Variants in NEMP2 observed in about 807,000 individuals in gnomAD.
NEMP2 encodes the protein UPF0571 transmembrane protein.
In NEMP2, 53 loss-of-function variants were observed where a neutral mutation model predicts 54.2. That is an observed-to-expected ratio of 0.98 (90% confidence interval 0.78 to 1.23). The LOEUF (loss-of-function observed/expected upper bound fraction) is 1.23. NEMP2 is among the 50% of genes most tolerant of loss of function. NEMP2 has a pLI of 0.00. For missense variants in NEMP2, 455 were observed against 511.3 expected, an observed-to-expected ratio of 0.89 and a Z score of 1.06; for synonymous variants, 197 against 190.3, an observed-to-expected ratio of 1.04 and a Z score of -0.29.
chr2:190,549,358 C>T, the NEMP2 span, among the ~76,000 whole-genome samples: 1 of 152,124 alleles, frequency 6.6e-6, no homozygotes, highest in African/African-American at 2.4e-5. Context: ...ACTCAAATTC[C>T]GTGATTTCTT....
intron 1 of NEMP2, among the ~76,000 whole-genome samples, chr2:190,526,734 G>C (rs1443184967): frequency 6.6e-6 from 1 of 152,178 alleles, no homozygotes; most frequent in African/African-American, 2.4e-5. Flanking sequence ...ACAGGGAAGT[G>C]GGGGTGAGTT....
the NEMP2 span, among the ~76,000 whole-genome samples, chr2:190,640,584 A>G: frequency 3.9e-5 from 6 of 152,208 alleles, no homozygotes; most frequent in Non-Finnish European, 5.9e-5. Context: ...ACACGACAAT[A>G]TAATTCAAAC....
chr2:190,584,951 GAAAGAAAGAAA>G, the NEMP2 span, among the ~76,000 whole-genome samples: 1 of 121,430 alleles, frequency 8.2e-6, no homozygotes, highest in African/African-American at 2.8e-5. The surrounding 1 kb of genome is among the most constrained non-coding windows in gnomAD (Gnocchi z 4.2). Context: ...AAGAAAGAAA[GAAAGAAAGAAA>G]GAGACATAAT....
At chr2:190,641,568 T>C in the NEMP2 span, 1 of 152,542 alleles carries the variant, frequency 6.6e-6, no homozygotes, top group Non-Finnish European at 1.5e-5. Context: ...GCTGGGACTG[T>C]GAGGAACAGG....
the NEMP2 span, among the ~76,000 whole-genome samples, chr2:190,470,049 G>A: frequency 6.6e-5 from 10 of 152,062 alleles, no homozygotes; most frequent in Non-Finnish European, 1.3e-4. Flanking sequence ...GCTTTGTGTT[G>A]AGCCAAACAA....
chr2:190,482,765 T>A, the NEMP2 span, among the ~76,000 whole-genome samples: 1 of 150,272 alleles, frequency 6.7e-6, no homozygotes, highest in Non-Finnish European at 1.5e-5. Flanking sequence ...TACAATCAGA[T>A]ACCAGTGTTG....
At chr2:190,478,285 C>T in the NEMP2 span, among the ~76,000 whole-genome samples, 1 of 152,126 alleles carries the variant, frequency 6.6e-6, no homozygotes, top group African/African-American at 2.4e-5. Flanking sequence ...CAACAGAGGG[C>T]TCTGTGGCCA....
At chr2:190,427,413 G>A in the NEMP2 span, among the ~76,000 whole-genome samples, 3 of 152,174 alleles carry the variant, frequency 2.0e-5, no homozygotes, top group Non-Finnish European at 4.4e-5. Context: ...GGCTGCAGTC[G>A]AAGTTATTAT....
chr2:190,435,659 CTG>C, the NEMP2 span, among the ~76,000 whole-genome samples: 1 of 152,144 alleles, frequency 6.6e-6, no homozygotes, highest in Admixed American at 6.5e-5. Flanking sequence ...TTTCAACTCT[CTG>C]TGTTTGGTTT....
chr2:190,529,395 C>A lies in NEMP2; in HGVS notation c.98-4017G>T, dbSNP rs540265783. On this transcript the variant is annotated intron_variant, in intron 1 of 8. Coordinates refer to ENST00000409150, the MANE Select transcript of NEMP2 (RefSeq NM_001142645.2). The surrounding 1 kb of genome is among the most constrained non-coding windows in gnomAD (Gnocchi z 4.7). Reference sequence around the variant, plus strand: ...TCCTCAAGATGCCAGCGAGCCCCCACATAAAGTTTCCTCAGTCTGCTGCAA... The same window carrying A: ...TCCTCAAGATGCCAGCGAGCCCCCAAATAAAGTTTCCTCAGTCTGCTGCAA... Among the ~76,000 whole-genome samples, 151 of 152,218 alleles carry A rather than the reference C, an allele frequency of 9.9e-4. 4 individuals carry two copies. In the South Asian group the frequency reaches 0.03, roughly 30 times the overall value.
At chr2:190,628,815 G>A in the NEMP2 span, 1 of 152,266 alleles carries the variant, frequency 6.6e-6, no homozygotes, top group African/African-American at 2.4e-5. The surrounding 1 kb of genome is among the most constrained non-coding windows in gnomAD (Gnocchi z 4.1). Flanking sequence ...AAGCTTCCTG[G>A]CTCTTGGTTC....
At position 190,527,665 on chromosome 2, in the gene NEMP2, G is replaced by A. The variant is rs1284909336; in HGVS notation, c.98-2287C>T. On this transcript the variant is annotated intron_variant, in intron 1 of 8. Transcript: ENST00000409150. This position sits in a 1 kb window ranked among gnomAD's most constrained non-coding sequence, Gnocchi z 4.0. The stretch of plus-strand genomic sequence containing the variant: ...CTAGAGCAAAGGTCCCCAACCCTGG[G>A]GCCAAGGACCAATACCAGTCCATGG... Among the ~76,000 whole-genome samples the A allele has an allele frequency of 6.6e-6, 1 of 152,040 alleles. No individual in the cohort carries two copies. The highest frequency in any genetic ancestry group is 1.5e-5 in the Non-Finnish European group (1 of 68,020).
the NEMP2 span, chr2:190,436,836 T>A: frequency 6.2e-6 from 10 of 1,614,184 alleles, no homozygotes; most frequent in Non-Finnish European, 8.5e-6. The surrounding 1 kb of genome is among the most constrained non-coding windows in gnomAD (Gnocchi z 5.3). Flanking sequence ...CCACCAAATC[T>A]TTACCTTCTG....
At chr2:190,474,075 G>A in the NEMP2 span, among the ~76,000 whole-genome samples, 1 of 152,114 alleles carries the variant, frequency 6.6e-6, no homozygotes, top group Non-Finnish European at 1.5e-5. Context: ...AGTGTGTAGA[G>A]GGAAATTTAT....
chr2:190,575,396 A>C, the NEMP2 span, among the ~76,000 whole-genome samples: 35,128 of 151,930 alleles, frequency 0.23, 5,191 homozygotes, highest in Non-Finnish European at 0.33. Flanking sequence ...TTAAAAAAAA[A>C]GTGTGTTCTT....
chr2:190,569,635 T>C, the NEMP2 span, among the ~76,000 whole-genome samples: 1 of 152,208 alleles, frequency 6.6e-6, no homozygotes, highest in Non-Finnish European at 1.5e-5. Flanking sequence ...TAGTATAAAC[T>C]CAATCTTTGA....
the NEMP2 span, among the ~76,000 whole-genome samples, chr2:190,442,227 C>T: frequency 6.6e-6 from 1 of 152,008 alleles, no homozygotes; most frequent in Non-Finnish European, 1.5e-5. Flanking sequence ...AAGTATTATT[C>T]TATATTACTT....
chr2:190,645,189 A>G, the NEMP2 span, among the ~76,000 whole-genome samples: 5 of 152,212 alleles, frequency 3.3e-5, no homozygotes, highest in Admixed American at 6.5e-5. Flanking sequence ...ACTTTTATAT[A>G]TAAGGAATAA....
At chr2:190,629,309 T>G in the NEMP2 span, among the ~76,000 whole-genome samples, 4 of 152,184 alleles carry the variant, frequency 2.6e-5, no homozygotes, top group Admixed American at 1.3e-4. Context: ...ATGAAAAAAC[T>G]ATGCATAGAT....
Sources: gnomAD v4.1 joint callset for allele counts (sites outside exome capture counted in the v4.1 genomes callset) on GRCh38, gnomAD v4.1.1 for gene constraint, Gnocchi (gnomAD v3.1) non-coding constraint, MANE v1.5 for transcripts, NCBI Gene and HGNC (gene_info 2026-07-23, HGNC 2026-07-21) for gene names.